Variants in ABCG8 observed in about 807,000 individuals in gnomAD.
The protein encoded by ABCG8 is ATP-binding cassette sub-family G member 8.
A neutral mutation model predicts 71.3 loss-of-function variants in ABCG8; 81 were observed. The observed-to-expected ratio is 1.14, with a 90% CI of 0.95 to 1.37. The LOEUF (loss-of-function observed/expected upper bound fraction) is 1.37, where lower values mean the gene tolerates loss of function less well. Ranked by LOEUF, ABCG8 falls within the 40% of genes most tolerant of loss-of-function variation. The pLI, the probability that ABCG8 is intolerant of heterozygous loss-of-function variation, is 0.00. For missense variants in ABCG8, 1,119 were observed against 866.2 expected (o/e 1.29, Z -3.66); for synonymous variants, 451 against 354.7 (o/e 1.27, Z -3.05).
In ABCG8 at chr2:43,878,125, A is replaced by G. The variant is rs969519222; in HGVS notation, c.*212A>G. ...AGGGATTTCTGCTCACTGGCAGGAG[A>G]CTGCGATGACTGGGAGAAAACCTGC... On this transcript the variant is annotated 3_prime_UTR_variant, in exon 13 of 13. Transcript: ENST00000272286. 3 of 665,510 alleles carry G rather than the reference A, an allele frequency of 4.5e-6. No homozygotes were observed. Among genetic ancestry groups the G allele is most frequent in the Non-Finnish European group, 7.7e-6 (3 of 391,446 alleles). The allele number at this position is 665,510 out of a possible 1,614,324, so 41.2% of individuals were successfully genotyped here. A position where few individuals can be genotyped will look rare whatever the true frequency, so the allele number is the denominator to read the frequency against.
rs1210715066 is a variant in ABCG8 at position 43,879,628 on chromosome 2, T to C, written c.*1715T>C. On this transcript the variant is annotated 3_prime_UTR_variant, in exon 13 of 13. Coordinates refer to ENST00000272286, the MANE Select transcript of ABCG8 (RefSeq NM_022437.3). ...CTGGGAGTTCCTATCATGTCCTCCA[T>C]AGCAAGGGGATCTAGACCAGAATCA... The C allele has an allele frequency of 2.0e-5, 3 of 152,230 alleles. No individual in the cohort carries two copies. The highest frequency in any genetic ancestry group is 7.2e-5 in the African/African-American group (3 of 41,468). The allele number at this position is 152,230 out of a possible 1,614,324, so 9.4% of individuals were successfully genotyped here.
At position 43,882,234 on chromosome 2, in the gene ABCG8, A is replaced by T. The variant is rs376597913; in HGVS notation, c.*4321A>T. ...GGGTTAAACCAGTCTACAGAGGTAG[A>T]TCTCGCATTTGCTTTTGTTTTCTTC... is the stretch of plus-strand genomic sequence containing the variant. On this transcript the variant is annotated 3_prime_UTR_variant, in exon 13 of 13. Coordinates refer to ENST00000272286, the MANE Select transcript of ABCG8 (RefSeq NM_022437.3). 5.3e-5 allele frequency: 8 copies of T among 152,200 alleles called. No homozygotes were observed. Among genetic ancestry groups the T allele is most frequent in the African/African-American group, 1.9e-4 (8 of 41,444 alleles). The allele number at this position is 152,200 out of a possible 1,614,324, so 9.4% of individuals were successfully genotyped here.
chr2:43,867,050 C>G (rs530037539), intron 6 of ABCG8, among the ~76,000 whole-genome samples: 2 of 152,080 alleles, frequency 1.3e-5, no homozygotes, highest in African/African-American at 2.4e-5. Context: ...TTTATAGGAA[C>G]ATGGATGAAA....
intron 6 of ABCG8, among the ~76,000 whole-genome samples, chr2:43,862,899 C>G (rs1669377981): frequency 6.7e-5 from 10 of 150,214 alleles, no homozygotes; most frequent in African/African-American, 2.0e-4. Flanking sequence ...TTTTCACCAT[C>G]TGGAAACAAC....
intron 6 of ABCG8, among the ~76,000 whole-genome samples, chr2:43,866,066 A>G (rs1202836303): frequency 6.6e-6 from 1 of 152,076 alleles, no homozygotes; most frequent in African/African-American, 2.4e-5. Flanking sequence ...CTGATCTTTG[A>G]CAAACCTGAG....
intron 6 of ABCG8, among the ~76,000 whole-genome samples, chr2:43,867,421 C>G (rs145122376): frequency 1.2e-3 from 185 of 150,884 alleles, no homozygotes; most frequent in Admixed American, 3.8e-3. Context: ...CTAGATAGAA[C>G]TCTCACTCTC....
At chr2:43,866,110 A>G (rs1164771622) in intron 6 of ABCG8, among the ~76,000 whole-genome samples, 1 of 152,142 alleles carries the variant, frequency 6.6e-6, no homozygotes, top group Non-Finnish European at 1.5e-5. Flanking sequence ...TTCCCTATTT[A>G]ATAAATGGTG....
chr2:43,855,136 A>G (rs1669058314), intron 6 of ABCG8, among the ~76,000 whole-genome samples: 1 of 152,228 alleles, frequency 6.6e-6, no homozygotes, highest in Non-Finnish European at 1.5e-5. Context: ...CAATCTGGAT[A>G]GAATTCTCAT....
chr2:43,873,899 C>A lies in ABCG8; in HGVS notation c.1324C>A (p.Gln442Lys), dbSNP rs775189240. 6 of 1,614,066 alleles carry A rather than the reference C, an allele frequency of 3.7e-6. No homozygotes were observed. The highest frequency in any genetic ancestry group is 5.1e-6 in the Non-Finnish European group (6 of 1,180,032). The change falls in exon 9 of 13, where the codon CAG becomes AAG. Residue 442 changes from glutamine (Q) to lysine (K), a missense_variant. By Grantham distance (53) the Gln-to-Lys change is moderately conservative (BLOSUM62 1). Coordinates refer to ENST00000272286, the MANE Select transcript of ABCG8 (RefSeq NM_022437.3). ...GFLYFGHGSI[Q>K]LSFMDTAALL... ...CCTCTATTTTGGCCATGGGAGCATC[C>A]AGCTCTCCTTCATGGATACAGCCGC...
chr2:43,845,190 C>A (rs1463982673), intron 2 of ABCG8, among the ~76,000 whole-genome samples: 1 of 151,226 alleles, frequency 6.6e-6, no homozygotes, highest in Non-Finnish European at 1.5e-5. Flanking sequence ...CAATGACTGA[C>A]CTTTCAGAGG....
chr2:43,851,438 C>T (rs142558447), intron 3 of ABCG8, 146 bp from the exon 4 acceptor site: 349 of 897,976 alleles, frequency 3.9e-4, no homozygotes, highest in Admixed American at 1.8e-3. Context: ...CATCTAGGTC[C>T]AGGGACTATG....
intron 12 of ABCG8, 39 bp from the exon 13 acceptor site, chr2:43,877,737 C>T: frequency 6.2e-7 from 1 of 1,614,104 alleles, no homozygotes; most frequent in Non-Finnish European, 8.5e-7. Flanking sequence ...TCCGGCTTTC[C>T]ATCCTCCTCA....
At chr2:43,870,515 A>C (rs910648785) in intron 6 of ABCG8, among the ~76,000 whole-genome samples, 1 of 152,116 alleles carries the variant, frequency 6.6e-6, no homozygotes, top group Non-Finnish European at 1.5e-5. Flanking sequence ...CTATCTGGAT[A>C]GAATTCTCAC....
intron 1 of ABCG8, among the ~76,000 whole-genome samples, chr2:43,842,516 C>G (rs1668611218): frequency 6.6e-6 from 1 of 152,040 alleles, no homozygotes; most frequent in African/African-American, 2.4e-5. Context: ...CCTCAACCTC[C>G]CTCCTGCTTG....
rs542262418 is a variant in ABCG8 at position 43,881,643 on chromosome 2, A to T, written c.*3730A>T. On this transcript the variant is annotated 3_prime_UTR_variant, in exon 13 of 13. Transcript: ENST00000272286. ...AGAATCGCTTGAATCCGGGAGGCAG[A>T]GGTTGCAGTGAGCCGAGATTGAGCC... 3 of 140,354 alleles carry T rather than the reference A, an allele frequency of 2.1e-5. No individual in the cohort carries two copies. The highest frequency in any genetic ancestry group is 3.0e-5 in the Non-Finnish European group (2 of 66,578). 8.7% of individuals were successfully genotyped at this position (140,354 alleles called of 1,614,324 possible).
rs759147053 is a variant in ABCG8, at chr2:43,873,840, C to T, written c.1265C>T (p.Ala422Val). ...CTGCCCACCCTCCTCATCCATGGGG[C>T]GGAGGCCTGTCTGATGTCAATGACC... ...RDLPTLLIHGAEACLMSMTIG... is the reference protein window; with the variant it reads ...RDLPTLLIHGVEACLMSMTIG... The change falls in exon 9 of 13, where the codon GCG (alanine) becomes GTG (valine). Residue 422 changes from alanine (A) to valine (V), a missense_variant. By Grantham distance (64) the Ala-to-Val change is moderately conservative. Coordinates refer to ENST00000272286, the MANE Select transcript of ABCG8 (RefSeq NM_022437.3). The T allele has an allele frequency of 2.4e-5, 38 of 1,614,004 alleles. No individual in the cohort carries two copies. The highest frequency in any genetic ancestry group is 1.2e-4 in the Admixed American group (7 of 60,004).
At chr2:43,863,385 A>C (rs1297419026) in intron 6 of ABCG8, among the ~76,000 whole-genome samples, 1 of 149,944 alleles carries the variant, frequency 6.7e-6, no homozygotes, top group African/African-American at 2.4e-5. Context: ...CACTCTCTAG[A>C]TAGAACTCTC....
rs1170341909 is a variant in ABCG8 at position 43,878,162 on chromosome 2, C to A, written c.*249C>A. ...GGGAGAAAACCTGCACTCGGTGGCA[C>A]CTACAACGTTGCTAATTTATTTCCT... On this transcript the variant is annotated 3_prime_UTR_variant, in exon 13 of 13. Coordinates refer to ENST00000272286, the MANE Select transcript of ABCG8 (RefSeq NM_022437.3). 8.8e-6 allele frequency: 5 copies of A among 567,828 alleles called. No individual in the cohort carries two copies. Among genetic ancestry groups the A allele is most frequent in the Non-Finnish European group, 1.6e-5 (5 of 318,544 alleles). 35.2% of individuals were successfully genotyped at this position (567,828 alleles called of 1,614,324 possible). A position where few individuals can be genotyped will look rare whatever the true frequency, so the allele number is the denominator to read the frequency against.
At chr2:43,859,252 G>A (rs1022174889) in intron 6 of ABCG8, among the ~76,000 whole-genome samples, 3 of 150,390 alleles carry the variant, frequency 2.0e-5, no homozygotes, top group African/African-American at 7.3e-5. Context: ...TCACACTCTG[G>A]ATACAACTCT....
Sources: gnomAD v4.1 joint callset for allele counts (sites outside exome capture counted in the v4.1 genomes callset) on GRCh38, gnomAD v4.1.1 for gene constraint, MANE v1.5 for transcripts, NCBI Gene and HGNC (gene_info 2026-07-23, HGNC 2026-07-21) for gene names.